The following SERPINA11 variants were observed in gnomAD, a reference collection of about 807,000 sequenced individuals.
SERPINA11 encodes serpin A11.
SERPINA11 carries 28 observed loss-of-function variants against 29.4 expected under a neutral mutation model. The observed-to-expected ratio is 0.95, with a 90% CI of 0.70 to 1.30. The LOEUF is 1.30. SERPINA11 is among the 50% of genes most tolerant of loss of function. The pLI, the probability that SERPINA11 is intolerant of heterozygous loss-of-function variation, is 0.00. For missense variants in SERPINA11, 530 were observed against 507.3 expected (o/e 1.04, Z -0.43); for synonymous variants, 253 against 206.6 (o/e 1.22, Z -1.92).
chr14:94,442,941 G>T, intron 4 of SERPINA11, 132 bp from the exon 5 acceptor site: 1 of 1,259,874 alleles, frequency 7.9e-7, no homozygotes, highest in Non-Finnish European at 1.1e-6. Context: ...ATGAAGAGAT[G>T]CCTTAAAGAC....
At chr14:94,447,575 T>C (rs951804071) in intron 2 of SERPINA11, among the ~76,000 whole-genome samples, 1 of 152,236 alleles carries the variant, frequency 6.6e-6, no homozygotes, top group Non-Finnish European at 1.5e-5. Context: ...TTAAAAGTCT[T>C]CGGCAATTCT....
Position 94,446,234 on chromosome 14 carries a change from A to T in SERPINA11, c.917+97T>A, listed in dbSNP as rs1162976236. 5.2e-6 allele frequency: 6 copies of T among 1,158,300 alleles called. No individual in the cohort carries two copies. The African/African-American group carries it at 9.2e-5, about 18-fold the overall frequency. The allele number at this position is 1,158,300 out of a possible 1,614,324, so 71.8% of individuals were successfully genotyped here. On this transcript the variant is annotated intron_variant, in intron 3 of 4. Coordinates refer to ENST00000334708, the MANE Select transcript of SERPINA11 (RefSeq NM_001080451.2). ...AGTAAAGGACAAGATGGTGAGCCTA[A>T]TCGAGATGGATGTTGGGCTTTTGCA... is the stretch of plus-strand genomic sequence containing the variant.
chr14:94,446,338 G>T lies in SERPINA11; in HGVS notation c.910C>A (p.Leu304Met), dbSNP rs920677594. Residue 304 changes from leucine (L) to methionine (M), a missense_variant, in exon 3 of 5, where the codon CTG becomes ATG. Coordinates refer to ENST00000334708, the MANE Select transcript of SERPINA11 (RefSeq NM_001080451.2). ...QTLRKWGQLL[L>M]PSLLDLHLPR... ...TTCTGCTGTGACACTTACCTGGGCA[G>T]GAGCAATTGGCCCCATTTTCTCAGG... 6 of 1,612,712 alleles carry T rather than the reference G, an allele frequency of 3.7e-6. No homozygotes were observed. The highest frequency in any genetic ancestry group is 5.1e-6 in the Non-Finnish European group (6 of 1,179,822).
chr14:94,442,683 A>C lies in SERPINA11; in HGVS notation c.1192T>G (p.Phe398Val). 1.2e-6 allele frequency: 2 copies of C among 1,613,220 alleles called. No individual in the cohort carries two copies. Among genetic ancestry groups the C allele is most frequent in the South Asian group, 2.2e-5 (2 of 90,818 alleles). ...GTGACCTCCCAAAGGAGCAAGAGGA[A>C]AGGCCTGTTGAAGTGGGCATGTGGG... is the stretch of plus-strand genomic sequence containing the variant. ...SDPHAHFNRP[F>V]LLLLWEVTTQ... is the part of the protein sequence containing the mutation. Residue 398 changes from phenylalanine to valine, a missense_variant, in exon 5 of 5, where the codon TTC becomes GTC. By Grantham distance (50) the Phe-to-Val change is conservative (BLOSUM62 -1). Transcript: ENST00000334708.
rs781496248 is a variant in SERPINA11 at position 94,448,180 on chromosome 14, A to T, written c.595T>A (p.Phe199Ile). 6.2e-7 allele frequency: 1 copy of T among 1,614,040 alleles called. No homozygotes were observed. The highest frequency in any genetic ancestry group is 1.1e-5 in the South Asian group (1 of 91,044). Residue 199 changes from phenylalanine to isoleucine, a missense_variant, in exon 2 of 5, where the codon TTC (phenylalanine) becomes ATC (isoleucine). Physicochemically the swap from Phe to Ile is conservative, Grantham distance 21 (BLOSUM62 0). Transcript: ENST00000334708. ...YGQVVDCLPE[F>I]SQDTFMVLAN... is the part of the protein sequence containing the mutation. ...AGAACCATGAACGTGTCCTGGCTGA[A>T]CTCCGGGAGGCAGTCCACGACTTGC...
chr14:94,452,648 C>CACACACACACAGAGACAG (rs1231099390), intron 1 of SERPINA11, 81 bp downstream of exon 1: 2 of 144,142 alleles, frequency 1.4e-5, no homozygotes, highest in African/African-American at 5.3e-5. Context: ...CACACACACA[C>CACACACACACAGAGACAG]AGAGACAGAG....
intron 1 of SERPINA11, among the ~76,000 whole-genome samples, chr14:94,449,917 TG>T (rs1438434648): frequency 6.6e-6 from 1 of 152,174 alleles, no homozygotes; most frequent in African/African-American, 2.4e-5. Context: ...AAGGATGATG[TG>T]CAAAGCCTCG....
intron 2 of SERPINA11, 116 bp from the exon 3 acceptor site, chr14:94,446,720 G>A: frequency 9.6e-7 from 1 of 1,046,022 alleles, no homozygotes; most frequent in South Asian, 1.6e-5. Flanking sequence ...AAAAAATGTG[G>A]AATGGTTACA....
chr14:94,442,770 T>A lies in SERPINA11; in HGVS notation c.1105A>T (p.Thr369Ser), dbSNP rs887576941. Residue 369 changes from threonine to serine, a missense_variant, in exon 5 of 5, where the codon ACC becomes TCC. By Grantham distance (58) the Thr-to-Ser change is moderately conservative. Coordinates refer to ENST00000334708, the MANE Select transcript of SERPINA11 (RefSeq NM_001080451.2). ...AGGCCTGAAGCAGCCCCGGCCTCGG[T>A]CCCCTTCTCACTCATGTCCACCATC... ...KAMVDMSEKG[T>S]EAGAASGLLS... The A allele has an allele frequency of 4.3e-6, 7 of 1,612,234 alleles. No individual in the cohort carries two copies. The highest frequency in any genetic ancestry group is 1.7e-5 in the Admixed American group (1 of 59,912).
At position 94,449,564 on chromosome 14, in the gene SERPINA11, T is replaced by C. The variant is rs572394029; in HGVS notation, c.-3-787A>G. Among the ~76,000 whole-genome samples, 48 of 150,060 alleles carry C rather than the reference T, an allele frequency of 3.2e-4. 2 individuals are homozygous for C. The South Asian group carries it at 4.3e-3, about 13-fold the overall frequency. On this transcript the variant is annotated intron_variant, in intron 1 of 4. Coordinates refer to ENST00000334708, the MANE Select transcript of SERPINA11 (RefSeq NM_001080451.2). The stretch of plus-strand genomic sequence containing the variant: ...CTTTCTCTTTCTCTTTCTTTCTTTC[T>C]TTCCTTCCTTCCTTCCTTCCTTCCC...
Position 94,448,596 on chromosome 14 carries a change from C to T in SERPINA11, c.179G>A (p.Arg60His), listed in dbSNP as rs776283166. 42 of 1,613,602 alleles carry T rather than the reference C, an allele frequency of 2.6e-5. No individual in the cohort carries two copies. Among genetic ancestry groups the T allele is most frequent in the Admixed American group, 2.5e-4 (15 of 59,984 alleles). Residue 60 changes from arginine (R) to histidine (H), a missense_variant, in exon 2 of 5, where the codon CGT becomes CAT. Coordinates refer to ENST00000334708, the MANE Select transcript of SERPINA11 (RefSeq NM_001080451.2). The part of the protein sequence containing the change: ...ITPTITNFAL[R>H]LYKELAADAP... ...GTCTGCTGCCAGCTCTTTATACAAACGCAAAGCAAAATTGGTAATGGTGGG... is the reference window on the plus strand; with the variant it reads ...GTCTGCTGCCAGCTCTTTATACAAATGCAAAGCAAAATTGGTAATGGTGGG...
chr14:94,445,470 C>T (rs914797738), intron 3 of SERPINA11, among the ~76,000 whole-genome samples: 2 of 152,140 alleles, frequency 1.3e-5, no homozygotes, highest in African/African-American at 4.8e-5. Flanking sequence ...GTTTAGAGAT[C>T]ACATAAAACA....
At chr14:94,445,825 C>T (rs1388664839) in intron 3 of SERPINA11, among the ~76,000 whole-genome samples, 4 of 152,192 alleles carry the variant, frequency 2.6e-5, no homozygotes, top group African/African-American at 9.7e-5. Flanking sequence ...AATCCTCTCA[C>T]CTTGGCCTCC....
chr14:94,442,530 C>T lies in SERPINA11; in HGVS notation c.*76G>A, dbSNP rs1217925367. 2 of 1,056,032 alleles carry T rather than the reference C, an allele frequency of 1.9e-6. No homozygotes were observed. Among genetic ancestry groups the T allele is most frequent in the East Asian group, 2.6e-5 (1 of 38,426 alleles). 65.4% of individuals were successfully genotyped at this position (1,056,032 alleles called of 1,614,324 possible). On this transcript the variant is annotated 3_prime_UTR_variant, in exon 5 of 5. Transcript: ENST00000334708. ...CTGATTAACTGAACCACATAGCAGC[C>T]CCAGGATGCAGGCTGGTTCTGGCCT...
At chr14:94,443,358 C>A in intron 3 of SERPINA11, 133 bp from the exon 4 acceptor site, 2 of 791,498 alleles carry the variant, frequency 2.5e-6, no homozygotes, top group South Asian at 3.6e-5. Flanking sequence ...TCCCATGACA[C>A]TGTTCACTAT....
intron 1 of SERPINA11, among the ~76,000 whole-genome samples, chr14:94,449,471 T>TTCTGTCTG (rs1566784732): frequency 9.2e-6 from 1 of 108,638 alleles, no homozygotes; most frequent in African/African-American, 4.6e-5. Flanking sequence ...CTTTCTTTCT[T>TTCTGTCTG]TCTTTCTTTC....
At chr14:94,444,303 C>CCT (rs1006437453) in intron 3 of SERPINA11, among the ~76,000 whole-genome samples, 7 of 152,102 alleles carry the variant, frequency 4.6e-5, no homozygotes, top group African/African-American at 1.7e-4. Flanking sequence ...AGCTAACCTG[C>CCT]CTCACATCTG....
chr14:94,444,168 G>A (rs375207669), intron 3 of SERPINA11, among the ~76,000 whole-genome samples: 1 of 152,100 alleles, frequency 6.6e-6, no homozygotes, highest in Non-Finnish European at 1.5e-5. Context: ...CCAGTTGGCT[G>A]GGGGGTGGAA....
intron 1 of SERPINA11, among the ~76,000 whole-genome samples, 182 bp from the exon 2 acceptor site, chr14:94,448,959 G>T (rs893972580): frequency 5.3e-5 from 8 of 152,192 alleles, no homozygotes; most frequent in Non-Finnish European, 1.2e-4. Flanking sequence ...TTCAGTGAAG[G>T]TAGCAACCCT....
Sources: allele counts gnomAD v4.1 joint callset (sites outside exome capture counted in the v4.1 genomes callset), GRCh38; gene constraint gnomAD v4.1.1; transcripts MANE v1.5; gene names NCBI Gene and HGNC (gene_info 2026-07-23, HGNC 2026-07-21).